The following MCHR2 variants were observed in gnomAD, a reference collection of about 807,000 sequenced individuals.
MCHR2 encodes the protein melanin concentrating hormone receptor 2, also known as melanin-concentrating hormone receptor 2.
A neutral mutation model predicts 24.8 loss-of-function variants in MCHR2; 15 were observed. That is an observed-to-expected ratio of 0.60 (90% CI 0.40 to 0.93). The LOEUF is 0.93. Among genes scored for constraint, MCHR2 ranks in the 40% least tolerant of loss-of-function variants. MCHR2 has a pLI of 0.00. For synonymous variants in MCHR2, 151 were observed against 147.6 expected (o/e 1.02, Z -0.17); for missense variants, 386 against 408.7 (o/e 0.94, Z 0.48).
At chr6:99,960,925 G>A (rs552064811) in intron 1 of MCHR2, among the ~76,000 whole-genome samples, 1 of 152,258 alleles carries the variant, frequency 6.6e-6, no homozygotes, top group South Asian at 2.1e-4. Context: ...CATGGGCAAA[G>A]ACTTCATGAC....
At chr6:99,921,334 G>C in intron 5 of MCHR2, 79 bp from the exon 6 acceptor site, 1 of 1,330,974 alleles carries the variant, frequency 7.5e-7, no homozygotes, top group Non-Finnish European at 1.0e-6. Flanking sequence ...GAACCTTTTG[G>C]ACAGTTCATA....
chr6:99,952,862 A>G (rs1774991423), intron 2 of MCHR2, among the ~76,000 whole-genome samples: 1 of 152,166 alleles, frequency 6.6e-6, no homozygotes, highest in South Asian at 2.1e-4. Context: ...AAAGATTACA[A>G]TATTTATTTT....
At chr6:99,972,259 G>C (rs1328346109) in intron 1 of MCHR2, among the ~76,000 whole-genome samples, 2 of 152,180 alleles carry the variant, frequency 1.3e-5, no homozygotes, top group Non-Finnish European at 2.9e-5. Context: ...GGTCTATTCA[G>C]AGATTCAACT....
At chr6:99,921,412 C>T (rs570390436) in intron 5 of MCHR2, among the ~76,000 whole-genome samples, 157 bp from the exon 6 acceptor site, 74 of 152,190 alleles carry the variant, frequency 4.9e-4, no homozygotes, top group African/African-American at 1.6e-3. Flanking sequence ...GTGATATATT[C>T]TTTTTTATTC....
chr6:99,981,980 G>T (rs1300410897), intron 1 of MCHR2, among the ~76,000 whole-genome samples: 1 of 152,064 alleles, frequency 6.6e-6, no homozygotes, highest in African/African-American at 2.4e-5. Flanking sequence ...TGAGGTGATG[G>T]TTTTTCTCTC....
At chr6:99,992,261 A>T (rs1457531282) in intron 1 of MCHR2, among the ~76,000 whole-genome samples, 1 of 152,234 alleles carries the variant, frequency 6.6e-6, no homozygotes, top group African/African-American at 2.4e-5. Context: ...TCTAATGGGC[A>T]TCCAAAGGTC....
intron 5 of MCHR2, among the ~76,000 whole-genome samples, chr6:99,925,941 G>A (rs925738847): frequency 2.3e-4 from 35 of 151,500 alleles, no homozygotes; most frequent in African/African-American, 4.4e-4. Context: ...CCATTAACTC[G>A]TCATTTAGCA....
chr6:99,987,203 C>T (rs1161297188), intron 1 of MCHR2, among the ~76,000 whole-genome samples: 4 of 151,858 alleles, frequency 2.6e-5, no homozygotes, highest in Non-Finnish European at 4.4e-5. Context: ...TGGGTTCAAG[C>T]GATTCTCCTG....
At chr6:99,921,642 T>C (rs990283994) in intron 5 of MCHR2, among the ~76,000 whole-genome samples, 1 of 152,204 alleles carries the variant, frequency 6.6e-6, no homozygotes, top group Non-Finnish European at 1.5e-5. Flanking sequence ...TTATACTCTT[T>C]TAGTTATTTT....
chr6:99,955,906 C>T (rs1055424729), intron 2 of MCHR2, 60 bp downstream of exon 2: 2 of 1,350,534 alleles, frequency 1.5e-6, no homozygotes, highest in South Asian at 1.9e-5. Context: ...ATTTAGGGAG[C>T]TTTGACTGTA....
chr6:99,980,620 G>C (rs2114586140), intron 1 of MCHR2, among the ~76,000 whole-genome samples: 1 of 152,034 alleles, frequency 6.6e-6, no homozygotes, highest in Non-Finnish European at 1.5e-5. Context: ...GAGTGACAGA[G>C]AGAGACAGAG....
chr6:99,928,923 T>G (rs1457536730), intron 5 of MCHR2, among the ~76,000 whole-genome samples: 4 of 152,304 alleles, frequency 2.6e-5, no homozygotes, highest in Non-Finnish European at 4.4e-5. Context: ...CTTTTAATTG[T>G]GATGTTAGGG....
chr6:99,925,872 T>A (rs1371080363), intron 5 of MCHR2, among the ~76,000 whole-genome samples: 1 of 151,640 alleles, frequency 6.6e-6, no homozygotes, highest in African/African-American at 2.4e-5. Flanking sequence ...TTAGGGTACA[T>A]GTGCACAATG....
intron 1 of MCHR2, among the ~76,000 whole-genome samples, chr6:99,971,103 T>C: frequency 6.6e-6 from 1 of 152,162 alleles, no homozygotes; most frequent in Non-Finnish European, 1.5e-5. Flanking sequence ...GTGAAGAAAG[T>C]CATTGGTAGC....
intron 2 of MCHR2, among the ~76,000 whole-genome samples, chr6:99,951,394 G>A (rs1774961436): frequency 6.6e-6 from 1 of 152,106 alleles, no homozygotes; most frequent in Admixed American, 6.6e-5. Flanking sequence ...GACTGCTAAG[G>A]GTGAGAGAGT....
intron 2 of MCHR2, 64 bp from the exon 3 acceptor site, chr6:99,948,035 A>G: frequency 7.3e-7 from 1 of 1,376,986 alleles, no homozygotes; most frequent in Non-Finnish European, 1.0e-6. Context: ...GATATATGCT[A>G]CCTCATACAA....
intron 3 of MCHR2, among the ~76,000 whole-genome samples, chr6:99,945,216 G>A (rs1191169812): frequency 6.6e-6 from 1 of 152,120 alleles, no homozygotes; most frequent in Non-Finnish European, 1.5e-5. Context: ...TTAGTTTAAG[G>A]CCACTGTATC....
At chr6:99,956,521 G>A (rs928002182) in intron 1 of MCHR2, among the ~76,000 whole-genome samples, 58 of 152,204 alleles carry the variant, frequency 3.8e-4, no homozygotes, top group African/African-American at 1.3e-3. Context: ...CTGCAGATCT[G>A]TTCATATTGG....
At chr6:99,968,880 G>C (rs956357345) in intron 1 of MCHR2, among the ~76,000 whole-genome samples, 1 of 151,676 alleles carries the variant, frequency 6.6e-6, no homozygotes, top group African/African-American at 2.4e-5. Flanking sequence ...ATAATCTATG[G>C]GCCAGATAAG....
Sources: allele counts gnomAD v4.1 joint callset (sites outside exome capture counted in the v4.1 genomes callset), GRCh38; gene constraint gnomAD v4.1.1; transcripts MANE v1.5; gene names NCBI Gene and HGNC (gene_info 2026-07-23, HGNC 2026-07-21).